Variants in SLC35F3 observed in about 807,000 individuals in gnomAD.
SLC35F3 encodes the protein solute carrier family 35 member F3.
SLC35F3 carries 25 observed loss-of-function variants against 49.9 expected under a neutral mutation model. The observed-to-expected ratio is 0.50, with a 90% confidence interval of 0.37 to 0.70. The LOEUF is 0.70. Among genes scored for constraint, SLC35F3 ranks in the 30% least tolerant of loss-of-function variants. The probability of loss-of-function intolerance (pLI) is 0.00; values close to 1 mark genes in which losing one functional copy is unlikely to be tolerated. For missense variants in SLC35F3, 525 were observed against 639.8 expected, an observed-to-expected ratio of 0.82 and a Z score of 1.94; for synonymous variants, 275 against 265.4, an observed-to-expected ratio of 1.04 and a Z score of -0.35.
In SLC35F3 at chr1:233,985,741, G is replaced by A. The variant is rs1266677118; in HGVS notation, c.283+79983G>A. 3.9e-5 allele frequency among the ~76,000 whole-genome samples: 6 copies of A among 152,306 alleles called. 1 individual carries two copies. In the East Asian group the frequency reaches 1.2e-3, roughly 29 times the overall value. On this transcript the variant is annotated intron_variant, in intron 2 of 7. Transcript: ENST00000366618. ...ATGACCATGTTGGATAATTCTCTAA[G>A]CTAAAATCATCCACAAAAGTATAAG...
intron 2 of SLC35F3, among the ~76,000 whole-genome samples, chr1:233,929,725 G>A (rs1662212580): frequency 6.6e-6 from 1 of 152,124 alleles, no homozygotes; most frequent in Non-Finnish European, 1.5e-5. Context: ...TTGGCCTCAG[G>A]AGCACCAGGT....
At chr1:233,974,617 A>G (rs1486529780) in intron 2 of SLC35F3, among the ~76,000 whole-genome samples, 1 of 151,922 alleles carries the variant, frequency 6.6e-6, no homozygotes, top group East Asian at 1.9e-4. Flanking sequence ...CTTTCTACCC[A>G]TTTGCTGTTT....
intron 2 of SLC35F3, among the ~76,000 whole-genome samples, chr1:233,950,846 G>T (rs1018986840): frequency 1.3e-4 from 19 of 151,748 alleles, no homozygotes; most frequent in African/African-American, 4.6e-4. Flanking sequence ...AACTTTTGTT[G>T]GTTTTTTTTC....
intron 2 of SLC35F3, among the ~76,000 whole-genome samples, chr1:234,112,722 A>ATTTTTTTT (rs1157248348): frequency 8.9e-5 from 3 of 33,546 alleles, no homozygotes; most frequent in African/African-American, 1.3e-4. Flanking sequence ...TGCCCAGCTA[A>ATTTTTTTT]TTTTTTTTTT....
intron 3 of SLC35F3, among the ~76,000 whole-genome samples, chr1:234,252,010 A>G (rs1667745176): frequency 6.6e-6 from 1 of 151,886 alleles, no homozygotes; most frequent in East Asian, 1.9e-4. Context: ...CAATTATTTT[A>G]TGACTTGTCT....
At chr1:234,290,245 C>T (rs1266437395) in intron 3 of SLC35F3, among the ~76,000 whole-genome samples, 1 of 152,112 alleles carries the variant, frequency 6.6e-6, no homozygotes, top group Non-Finnish European at 1.5e-5. Flanking sequence ...GTAACATTTA[C>T]TTCATAGGAG....
intron 2 of SLC35F3, among the ~76,000 whole-genome samples, chr1:234,068,596 A>G (rs1664655064): frequency 2.6e-5 from 4 of 151,972 alleles, no homozygotes; most frequent in Non-Finnish European, 5.9e-5. Context: ...GAACTATAAT[A>G]GAAGTAGGAA....
intron 5 of SLC35F3, among the ~76,000 whole-genome samples, chr1:234,317,593 C>T (rs1022997730): frequency 6.6e-6 from 1 of 151,952 alleles, no homozygotes; most frequent in African/African-American, 2.4e-5. Context: ...CATTTTTTTC[C>T]CAGCTCTGTG....
intron 5 of SLC35F3, among the ~76,000 whole-genome samples, chr1:234,317,378 C>A (rs1212657947): frequency 2.0e-5 from 3 of 149,798 alleles, no homozygotes; most frequent in Non-Finnish European, 4.4e-5. Flanking sequence ...CCTGGCTGCT[C>A]TCCCCCCTCA....
chr1:234,108,889 T>G (rs1004906113), intron 2 of SLC35F3, among the ~76,000 whole-genome samples: 3 of 150,378 alleles, frequency 2.0e-5, no homozygotes, highest in African/African-American at 7.3e-5. Context: ...CACAAGCAAT[T>G]GCTATAGCCA....
At chr1:233,956,607 G>C (rs563289391) in intron 2 of SLC35F3, among the ~76,000 whole-genome samples, 17 of 152,352 alleles carry the variant, frequency 1.1e-4, no homozygotes, top group African/African-American at 4.1e-4. Flanking sequence ...ATTGGAAAGA[G>C]AGGCAGAGCA....
intron 2 of SLC35F3, among the ~76,000 whole-genome samples, chr1:233,975,550 C>T (rs1224328654): frequency 6.6e-6 from 1 of 152,190 alleles, no homozygotes; most frequent in Non-Finnish European, 1.5e-5. Context: ...AATGGCAGCA[C>T]CAGAGGGGCC....
intron 3 of SLC35F3, among the ~76,000 whole-genome samples, chr1:234,285,744 G>A (rs981052879): frequency 6.6e-6 from 1 of 152,292 alleles, no homozygotes; most frequent in Admixed American, 6.5e-5. Context: ...TCAATCAAGC[G>A]CCATTTCCTT....
rs115921538 is a variant in SLC35F3, at chr1:233,944,996, G to A, written c.283+39238G>A. Among the ~76,000 whole-genome samples the A allele has an allele frequency of 4.7e-3, 721 of 152,096 alleles. 5 individuals are homozygous for A. Among genetic ancestry groups the A allele is most frequent in the African/African-American group, 0.016 (683 of 41,498 alleles). On this transcript the variant is annotated intron_variant, in intron 2 of 7. Coordinates refer to ENST00000366618, the MANE Select transcript of SLC35F3 (RefSeq NM_173508.4). ...CTAGGAGGTATTTTGTTTTGCACTT[G>A]GATGAAACCACTGGTGTGCAAAGTG... is the stretch of plus-strand genomic sequence containing the variant.
intron 2 of SLC35F3, among the ~76,000 whole-genome samples, chr1:233,913,305 C>T (rs777058438): frequency 2.8e-4 from 43 of 152,178 alleles, no homozygotes; most frequent in Non-Finnish European, 5.0e-4. Context: ...AAACAGACTA[C>T]AGTACATTAC....
At chr1:234,189,515 CA>C (rs74839155) in intron 2 of SLC35F3, among the ~76,000 whole-genome samples, 9,065 of 117,050 alleles carry the variant, frequency 0.077, 787 homozygotes, top group African/African-American at 0.23. Flanking sequence ...CCAACACAGA[CA>C]AAAAAAAAAA....
At chr1:234,097,179 G>A (rs1015046057) in intron 2 of SLC35F3, among the ~76,000 whole-genome samples, 6 of 152,028 alleles carry the variant, frequency 3.9e-5, no homozygotes, top group East Asian at 3.9e-4. Context: ...ATGAGCCACC[G>A]GGCCCAGACT....
chr1:234,318,359 G>A (rs1293186916), intron 5 of SLC35F3, among the ~76,000 whole-genome samples: 1 of 152,182 alleles, frequency 6.6e-6, no homozygotes, highest in African/African-American at 2.4e-5. Context: ...TTTGCAGCCA[G>A]AGCACTGTTT....
At chr1:234,224,955 T>C (rs1336769496) in intron 2 of SLC35F3, among the ~76,000 whole-genome samples, 1 of 152,226 alleles carries the variant, frequency 6.6e-6, no homozygotes, top group African/African-American at 2.4e-5. Context: ...TAACTTCAAT[T>C]ATCTATAGAT....
Sources: allele counts gnomAD v4.1 joint callset (sites outside exome capture counted in the v4.1 genomes callset), GRCh38; gene constraint gnomAD v4.1.1; transcripts MANE v1.5; gene names NCBI Gene and HGNC (gene_info 2026-07-23, HGNC 2026-07-21).